MACROD2: variants seen among roughly 807,000 people sequenced by gnomAD.
The protein encoded by MACROD2 is mono-ADP ribosylhydrolase 2, also known as ADP-ribose glycohydrolase MACROD2.
In MACROD2, 36 loss-of-function variants were observed where a neutral mutation model predicts 70.4. The observed-to-expected ratio is 0.51, with a 90% CI of 0.39 to 0.68. The LOEUF (loss-of-function observed/expected upper bound fraction) is 0.68, where lower values mean the gene tolerates loss of function less well. Among genes scored for constraint, MACROD2 ranks in the 30% least tolerant of loss-of-function variants. The pLI is 0.00. For missense variants in MACROD2, 496 were observed against 538.4 expected, an observed-to-expected ratio of 0.92 and a Z score of 0.78; for synonymous variants, 172 against 178.8, an observed-to-expected ratio of 0.96 and a Z score of 0.30.
intron 2 of MACROD2, among the ~76,000 whole-genome samples, chr20:14,008,691 A>G (rs2052856161): frequency 6.6e-6 from 1 of 152,214 alleles, no homozygotes; most frequent in Non-Finnish European, 1.5e-5. Flanking sequence ...ACAAAGCTAG[A>G]GGCATCACGC....
intron 10 of MACROD2, among the ~76,000 whole-genome samples, chr20:15,892,043 A>G (rs1245763380): frequency 6.6e-6 from 1 of 152,052 alleles, no homozygotes; most frequent in African/African-American, 2.4e-5. Flanking sequence ...GCTCATGAAA[A>G]CCACCAGGTG....
intron 5 of MACROD2, among the ~76,000 whole-genome samples, chr20:14,719,473 G>GAAAAAAAAAAAAAAAAAAA (rs11087105): frequency 7.3e-6 from 1 of 136,322 alleles, no homozygotes; most frequent in Non-Finnish European, 1.6e-5. Context: ...AAGATAGAAA[G>GAAAAAAAAAAAAAAAAAAA]AAAAAAAAAA....
intron 4 of MACROD2, among the ~76,000 whole-genome samples, chr20:14,532,769 A>G (rs919159365): frequency 3.3e-5 from 5 of 152,170 alleles, no homozygotes; most frequent in Non-Finnish European, 7.3e-5. Context: ...AATTTACTAC[A>G]TATATTGCTC....
At chr20:14,019,203 G>A (rs148854797) in intron 2 of MACROD2, among the ~76,000 whole-genome samples, 2 of 152,162 alleles carry the variant, frequency 1.3e-5, no homozygotes, top group East Asian at 3.8e-4. Flanking sequence ...TGTAATACAC[G>A]TAGAGCTGGC....
At chr20:14,322,200 A>ATATATATATATATATATATATATATATG (rs1318380598) in intron 3 of MACROD2, among the ~76,000 whole-genome samples, 1 of 133,186 alleles carries the variant, frequency 7.5e-6, no homozygotes, top group African/African-American at 2.7e-5. Context: ...ATATATATAT[A>ATATATATATATATATATATATATATATG]TTTTGTATTT....
rs181363414 is a variant in MACROD2, at chr20:15,400,443, C to A, written c.541-30962C>A. 6.9e-3 allele frequency among the ~76,000 whole-genome samples: 1,050 copies of A among 152,290 alleles called. 23 individuals carry two copies. Among genetic ancestry groups the A allele is most frequent in the African/African-American group, 0.024 (1,003 of 41,556 alleles). ...TCACTTTTGTTTTGTCTTTTTAGAA[C>A]TTATGTCATCATTTGGGGTTGAGCA... On this transcript the variant is annotated intron_variant, in intron 6 of 17. Coordinates refer to ENST00000684519, the MANE Select transcript of MACROD2 (RefSeq NM_001351661.2).
chr20:15,470,672 A>G (rs1013304135), intron 7 of MACROD2, among the ~76,000 whole-genome samples: 12 of 152,076 alleles, frequency 7.9e-5, no homozygotes, highest in African/African-American at 2.7e-4. Context: ...GTGGTGGTCC[A>G]GGGCTGTTTC....
chr20:15,283,948 A>T (rs2077469247), intron 6 of MACROD2, among the ~76,000 whole-genome samples: 1 of 152,156 alleles, frequency 6.6e-6, no homozygotes, highest in South Asian at 2.1e-4. Flanking sequence ...TTATTTTCCC[A>T]GTCCCTGGAT....
chr20:15,344,059 A>G (rs1299690573), intron 6 of MACROD2, among the ~76,000 whole-genome samples: 1 of 152,218 alleles, frequency 6.6e-6, no homozygotes, highest in African/African-American at 2.4e-5. Context: ...TCGTTGAGGT[A>G]TGCACAGTTC....
At chr20:14,967,617 T>G (rs999512749) in intron 5 of MACROD2, among the ~76,000 whole-genome samples, 1 of 152,196 alleles carries the variant, frequency 6.6e-6, no homozygotes, top group Non-Finnish European at 1.5e-5. Context: ...CTCTACAAAT[T>G]AGACTTAAAT....
At chr20:14,107,575 C>G (rs1043884819) in intron 3 of MACROD2, among the ~76,000 whole-genome samples, 2 of 152,030 alleles carry the variant, frequency 1.3e-5, no homozygotes, top group Non-Finnish European at 2.9e-5. Context: ...AAGACTACCT[C>G]AAGGCATTTA....
chr20:15,696,425 A>T (rs1182400245), intron 8 of MACROD2, among the ~76,000 whole-genome samples: 1 of 152,168 alleles, frequency 6.6e-6, no homozygotes, highest in South Asian at 2.1e-4. Context: ...TCCCTTTCAG[A>T]TGCTGTTGGA....
At chr20:14,031,560 A>G (rs1392658090) in intron 2 of MACROD2, among the ~76,000 whole-genome samples, 1 of 152,096 alleles carries the variant, frequency 6.6e-6, no homozygotes, top group African/African-American at 2.4e-5. Context: ...TTTCCTGGAC[A>G]TTGATTTATG....
chr20:15,899,043 T>C (rs2065021223), intron 10 of MACROD2, among the ~76,000 whole-genome samples: 1 of 151,878 alleles, frequency 6.6e-6, no homozygotes, highest in Non-Finnish European at 1.5e-5. Context: ...TATGTACACA[T>C]GTATGTATAT....
At chr20:15,350,005 C>A (rs1167919602) in intron 6 of MACROD2, among the ~76,000 whole-genome samples, 1 of 152,090 alleles carries the variant, frequency 6.6e-6, no homozygotes, top group Non-Finnish European at 1.5e-5. Context: ...AAACTGGGAC[C>A]TCCTTGTCCA....
intron 3 of MACROD2, among the ~76,000 whole-genome samples, chr20:14,475,120 T>C (rs2084575922): frequency 6.6e-6 from 1 of 152,044 alleles, no homozygotes; most frequent in Non-Finnish European, 1.5e-5. Context: ...TGTATTTTGT[T>C]TTTTATAGGT....
chr20:14,114,312 C>T (rs185730042), intron 3 of MACROD2, among the ~76,000 whole-genome samples: 8 of 152,226 alleles, frequency 5.3e-5, no homozygotes, highest in African/African-American at 1.7e-4. Context: ...CTTAAAATAC[C>T]TTCAAAACCA....
At chr20:15,735,163 A>G (rs6043497) in intron 8 of MACROD2, among the ~76,000 whole-genome samples, 10,446 of 152,082 alleles carry the variant, frequency 0.069, 567 homozygotes, top group African/African-American at 0.15. Context: ...GTTTCACCAT[A>G]TTGGCCAAGC....
intron 6 of MACROD2, among the ~76,000 whole-genome samples, chr20:15,357,275 CAATT>C (rs2078298621): frequency 6.6e-6 from 1 of 152,096 alleles, no homozygotes; most frequent in African/African-American, 2.4e-5. Flanking sequence ...CCTTAAAATT[CAATT>C]ATTTCTTTTT....
Sources: gnomAD v4.1 joint callset for allele counts (sites outside exome capture counted in the v4.1 genomes callset) on GRCh38, gnomAD v4.1.1 for gene constraint, MANE v1.5 for transcripts, NCBI Gene and HGNC (gene_info 2026-07-23, HGNC 2026-07-21) for gene names.